PGBD2: variants seen among roughly 807,000 people sequenced by gnomAD.
PGBD2 encodes the protein piggyBac transposable element derived 2, also known as piggyBac transposable element-derived protein 2.
In PGBD2, 6 loss-of-function variants were observed where a neutral mutation model predicts 8.1. The observed-to-expected ratio is 0.74, with a 90% CI of 0.40 to 1.46. The LOEUF (loss-of-function observed/expected upper bound fraction) is 1.46. PGBD2 is among the 40% of genes most tolerant of loss of function. The pLI, the probability that PGBD2 is intolerant of heterozygous loss-of-function variation, is 0.02. For synonymous variants in PGBD2, 318 were observed against 272.2 expected (o/e 1.17, Z -1.66); for missense variants, 802 against 739.0 (o/e 1.09, Z -0.99).
At chr1:248,908,944 T>C (rs900530665) in intron 1 of PGBD2, among the ~76,000 whole-genome samples, 1 of 152,200 alleles carries the variant, frequency 6.6e-6, no homozygotes, top group Admixed American at 6.5e-5. Flanking sequence ...CCTCCCTGAC[T>C]AGATCAGTTT....
At chr1:248,910,499 A>G (rs1478599025) in intron 1 of PGBD2, among the ~76,000 whole-genome samples, 1 of 152,220 alleles carries the variant, frequency 6.6e-6, no homozygotes, top group Non-Finnish European at 1.5e-5. Flanking sequence ...GGCACCAGGA[A>G]GTCTCTTTGG....
chr1:248,884,347 GT>G, the PGBD2 span, among the ~76,000 whole-genome samples: 32,615 of 147,360 alleles, frequency 0.22, 8,346 homozygotes, highest in African/African-American at 0.62. Context: ...TTTTGTTTGT[GT>G]TTTTTTTTTT....
the PGBD2 span, among the ~76,000 whole-genome samples, chr1:248,891,123 A>G: frequency 6.6e-6 from 1 of 152,238 alleles, no homozygotes; most frequent in Admixed American, 6.5e-5. Flanking sequence ...AAAAAAAGTT[A>G]TGCAAACAAA....
At chr1:248,914,962 C>T (rs1662041456) in intron 2 of PGBD2, among the ~76,000 whole-genome samples, 1 of 152,224 alleles carries the variant, frequency 6.6e-6, no homozygotes. Context: ...GTGGTTCTTT[C>T]TCTCTGCCTG....
downstream of PGBD2, among the ~76,000 whole-genome samples, chr1:248,922,797 G>A (rs889763212): frequency 3.3e-5 from 5 of 152,144 alleles, no homozygotes; most frequent in African/African-American, 7.2e-5. Flanking sequence ...TTGCATCCCA[G>A]GGATGAAGCT....
intron 1 of PGBD2, among the ~76,000 whole-genome samples, chr1:248,911,999 G>C (rs953208455): frequency 6.6e-6 from 1 of 152,072 alleles, no homozygotes; most frequent in East Asian, 1.9e-4. Context: ...AAAATGCATA[G>C]AAAGTTTAAT....
chr1:248,873,969 T>C, the PGBD2 span, among the ~76,000 whole-genome samples: 7 of 152,292 alleles, frequency 4.6e-5, no homozygotes, highest in South Asian at 2.1e-4. Flanking sequence ...CACATTCGTT[T>C]TATTAGCATT....
In PGBD2 at chr1:248,918,506, A is replaced by G; in HGVS notation, c.*143A>G. 1.4e-6 allele frequency: 1 copy of G among 706,148 alleles called. No homozygotes were observed. The allele number at this position is 706,148 out of a possible 1,614,324, so 43.7% of individuals were successfully genotyped here. On this transcript the variant is annotated 3_prime_UTR_variant, in exon 3 of 3. Coordinates refer to ENST00000329291, the MANE Select transcript of PGBD2 (RefSeq NM_170725.3). The stretch of plus-strand genomic sequence containing the variant: ...TCTATTTTCTCCCTACCCACAATAC[A>G]GTTATCTTTTTTATTGTGTTGTGTT...
chr1:248,913,336 G>A (rs1411979248), intron 1 of PGBD2, among the ~76,000 whole-genome samples: 1 of 152,166 alleles, frequency 6.6e-6, no homozygotes, highest in East Asian at 1.9e-4. Flanking sequence ...TATATAAGTG[G>A]TGTTCTGCAC....
At chr1:248,915,524 C>T (rs1558288203) in intron 2 of PGBD2, among the ~76,000 whole-genome samples, 1 of 152,314 alleles carries the variant, frequency 6.6e-6, no homozygotes, top group Non-Finnish European at 1.5e-5. Context: ...GGCTACACTA[C>T]GATGTTTGGT....
chr1:248,895,253 T>TA, the PGBD2 span, among the ~76,000 whole-genome samples: 2 of 152,178 alleles, frequency 1.3e-5, no homozygotes, highest in Admixed American at 1.3e-4. Flanking sequence ...CAGTCTGGTT[T>TA]TCCTCTGATT....
At chr1:248,873,693 T>C in the PGBD2 span, among the ~76,000 whole-genome samples, 2 of 152,192 alleles carry the variant, frequency 1.3e-5, no homozygotes, top group Admixed American at 6.5e-5. Context: ...CCTGGCTGCA[T>C]TGCAGTCGCG....
chr1:248,913,012 G>A (rs1021070692), intron 1 of PGBD2, among the ~76,000 whole-genome samples: 13 of 152,050 alleles, frequency 8.5e-5, no homozygotes, highest in African/African-American at 2.9e-4. Context: ...ATGTTGGTCA[G>A]GCTGGTCTCG....
chr1:248,875,308 C>CAAAAAAAAAAAAAAAAAAA, the PGBD2 span, among the ~76,000 whole-genome samples: 50 of 110,176 alleles, frequency 4.5e-4, no homozygotes, highest in African/African-American at 5.3e-4. Flanking sequence ...AAAAACAAAA[C>CAAAAAAAAAAAAAAAAAAA]AAAAAAAAAA....
chr1:248,890,456 G>A, the PGBD2 span, among the ~76,000 whole-genome samples: 1 of 152,144 alleles, frequency 6.6e-6, no homozygotes, highest in Non-Finnish European at 1.5e-5. Flanking sequence ...AAGTTCCTAT[G>A]AGCCAGTGTC....
At chr1:248,911,250 C>T (rs898323133) in intron 1 of PGBD2, among the ~76,000 whole-genome samples, 1 of 151,250 alleles carries the variant, frequency 6.6e-6, no homozygotes, top group African/African-American at 2.4e-5. Context: ...TTTTCCTAGG[C>T]AGAGGACCCT....
intron 1 of PGBD2, among the ~76,000 whole-genome samples, chr1:248,908,424 G>A (rs1661736675): frequency 6.6e-6 from 1 of 152,198 alleles, no homozygotes; most frequent in Admixed American, 6.5e-5. Flanking sequence ...ACCAGCCATA[G>A]GGTGCCTGAA....
chr1:248,904,985 A>G (rs1181394814), upstream of PGBD2, among the ~76,000 whole-genome samples: 1 of 152,204 alleles, frequency 6.6e-6, no homozygotes, highest in East Asian at 1.9e-4. Flanking sequence ...GTCACAGAGA[A>G]GACACTCATT....
chr1:248,897,284 C>CCGAT, the PGBD2 span, among the ~76,000 whole-genome samples: 1 of 130,116 alleles, frequency 7.7e-6, no homozygotes, highest in African/African-American at 4.3e-5. Flanking sequence ...AAGTTGCTAG[C>CCGAT]CGATCGGAAC....
Sources: gnomAD v4.1 joint callset for allele counts (sites outside exome capture counted in the v4.1 genomes callset) on GRCh38, gnomAD v4.1.1 for gene constraint, MANE v1.5 for transcripts, NCBI Gene and HGNC (gene_info 2026-07-23, HGNC 2026-07-21) for gene names.